Variants in CTNNA3 observed in about 807,000 individuals in gnomAD.
CTNNA3 encodes catenin alpha 3.
Under a neutral mutation model 95.7 loss-of-function variants are expected in CTNNA3, and 76 were observed. The observed-to-expected ratio is 0.79, with a 90% CI of 0.66 to 0.96. The LOEUF is 0.96. Among genes scored for constraint, CTNNA3 ranks in the 40% least tolerant of loss-of-function variants. The pLI is 0.00. For synonymous variants in CTNNA3, 431 were observed against 374.4 expected, an observed-to-expected ratio of 1.15 and a Z score of -1.74; for missense variants, 1,191 against 1,089.8, an observed-to-expected ratio of 1.09 and a Z score of -1.31.
chr10:67,262,357 A>G (rs1003555692), intron 5 of CTNNA3, among the ~76,000 whole-genome samples: 1 of 152,178 alleles, frequency 6.6e-6, no homozygotes, highest in Admixed American at 6.6e-5. Context: ...AAAAGTCATG[A>G]AGCAGAACAT....
intron 12 of CTNNA3, among the ~76,000 whole-genome samples, chr10:66,371,256 T>A (rs1253752453): frequency 6.6e-6 from 1 of 152,122 alleles, no homozygotes; most frequent in African/African-American, 2.4e-5. Flanking sequence ...AGGGTAAACG[T>A]TCCCCCTTTT....
At chr10:67,206,740 T>G (rs964546185) in intron 6 of CTNNA3, among the ~76,000 whole-genome samples, 2 of 151,408 alleles carry the variant, frequency 1.3e-5, no homozygotes, top group African/African-American at 4.9e-5. Context: ...AGAATCTAGA[T>G]TCTAGAATCT....
chr10:66,681,543 A>C (rs1442157774), intron 9 of CTNNA3, among the ~76,000 whole-genome samples: 1 of 152,206 alleles, frequency 6.6e-6, no homozygotes, highest in African/African-American at 2.4e-5. Flanking sequence ...ACAATATCGG[A>C]GTCCTGGCCT....
intron 7 of CTNNA3, among the ~76,000 whole-genome samples, chr10:66,990,283 TGTGG>T (rs941588546): frequency 6.6e-6 from 1 of 152,170 alleles, no homozygotes; most frequent in Non-Finnish European, 1.5e-5. Context: ...ACTGTAGTGC[TGTGG>T]CCAGGTGAAG....
chr10:65,984,477 A>G (rs1261846151), intron 16 of CTNNA3, among the ~76,000 whole-genome samples: 1 of 151,330 alleles, frequency 6.6e-6, no homozygotes, highest in Non-Finnish European at 1.5e-5. Flanking sequence ...AAAGGCCAAA[A>G]AGAGTCATCT....
chr10:66,647,678 A>AG (rs1845753934), intron 9 of CTNNA3, among the ~76,000 whole-genome samples: 1 of 142,296 alleles, frequency 7.0e-6, no homozygotes, highest in Non-Finnish European at 1.5e-5. Flanking sequence ...GCCCAGCTAA[A>AG]TTTTTTTTTT....
chr10:66,718,990 A>G (rs938096754), intron 9 of CTNNA3, among the ~76,000 whole-genome samples: 1 of 152,172 alleles, frequency 6.6e-6, no homozygotes, highest in Non-Finnish European at 1.5e-5. Context: ...TCTAGGTACT[A>G]CCGTCTTCCA....
chr10:66,204,705 T>C (rs1471383), intron 13 of CTNNA3, among the ~76,000 whole-genome samples: 125,640 of 152,112 alleles, frequency 0.83, 52,026 homozygotes, highest in South Asian at 0.92. Context: ...ACTTTTAAGA[T>C]TATGGAATGT....
At chr10:67,097,580 T>C (rs1858082474) in intron 7 of CTNNA3, 1 of 1,611,200 alleles carries the variant, frequency 6.2e-7, no homozygotes, top group African/African-American at 1.3e-5. Context: ...ATGTCATTTT[T>C]CCCCAGATAC....
intron 13 of CTNNA3, among the ~76,000 whole-genome samples, chr10:66,207,710 A>C (rs1043274588): frequency 3.9e-5 from 6 of 152,088 alleles, no homozygotes; most frequent in African/African-American, 4.8e-5. Flanking sequence ...TTTTACTGAT[A>C]GCTTATAAAT....
At chr10:67,554,441 T>C (rs1047178514) in intron 3 of CTNNA3, among the ~76,000 whole-genome samples, 2 of 152,200 alleles carry the variant, frequency 1.3e-5, no homozygotes, top group Non-Finnish European at 2.9e-5. Flanking sequence ...TTTCTAATGA[T>C]CGCCATTCTA....
chr10:66,140,501 T>C (rs2083559667), intron 13 of CTNNA3, among the ~76,000 whole-genome samples: 1 of 152,236 alleles, frequency 6.6e-6, no homozygotes, highest in Non-Finnish European at 1.5e-5. Context: ...ACGATTTCTC[T>C]AATTTTATCT....
intron 7 of CTNNA3, among the ~76,000 whole-genome samples, chr10:66,897,162 A>G (rs935931093): frequency 1.3e-5 from 2 of 152,272 alleles, no homozygotes; most frequent in South Asian, 4.1e-4. Flanking sequence ...ATATTACTAA[A>G]TATTGTTATA....
At chr10:66,040,764 T>C (rs1477934070) in intron 15 of CTNNA3, among the ~76,000 whole-genome samples, 2 of 151,766 alleles carry the variant, frequency 1.3e-5, no homozygotes, top group African/African-American at 4.8e-5. Context: ...CCAGGAAAAA[T>C]AGTTAATGGG....
Position 66,114,011 on chromosome 10 carries a change from G to C in CTNNA3, c.1885-10762C>G, listed in dbSNP as rs145780976. Among the ~76,000 whole-genome samples the C allele has an allele frequency of 2.6e-3, 402 of 152,236 alleles. 2 individuals carry two copies. The highest frequency in any genetic ancestry group is 9.3e-3 in the African/African-American group (385 of 41,544). On this transcript the variant is annotated intron_variant, in intron 13 of 17. Coordinates refer to ENST00000433211, the MANE Select transcript of CTNNA3 (RefSeq NM_013266.4). ...AAAAATGGTGGTGGCAGCAGTAGTA[G>C]CAACAGTAGCAGCAGATGGCTAGAA...
chr10:67,743,508 A>C (rs964994375), intron 1 of CTNNA3, among the ~76,000 whole-genome samples: 2 of 151,302 alleles, frequency 1.3e-5, no homozygotes, highest in African/African-American at 4.8e-5. Context: ...ATCTCAAAAT[A>C]ATAAGAGCTA....
intron 7 of CTNNA3, among the ~76,000 whole-genome samples, chr10:66,960,877 T>C (rs1193274283): frequency 6.6e-6 from 1 of 152,164 alleles, no homozygotes; most frequent in Non-Finnish European, 1.5e-5. Flanking sequence ...AAAGGATCTG[T>C]AGAAATCTTG....
At chr10:66,566,247 T>C (rs1380479642) in intron 10 of CTNNA3, among the ~76,000 whole-genome samples, 1 of 152,096 alleles carries the variant, frequency 6.6e-6, no homozygotes, top group Admixed American at 6.5e-5. Flanking sequence ...CTTGGAGAAA[T>C]GAAGAAAGAC....
chr10:66,993,454 T>C (rs1272320937), intron 7 of CTNNA3, among the ~76,000 whole-genome samples: 1 of 152,264 alleles, frequency 6.6e-6, no homozygotes, highest in East Asian at 1.9e-4. Flanking sequence ...AGTGTTGTGA[T>C]CATCTTTGGA....
Sources: gnomAD v4.1 joint callset for allele counts (sites outside exome capture counted in the v4.1 genomes callset) on GRCh38, gnomAD v4.1.1 for gene constraint, MANE v1.5 for transcripts, NCBI Gene and HGNC (gene_info 2026-07-23, HGNC 2026-07-21) for gene names.